The following PCSK2 variants were observed in gnomAD, a reference collection of about 807,000 sequenced individuals.
PCSK2 encodes the protein neuroendocrine convertase 2.
A neutral mutation model predicts 69.7 loss-of-function variants in PCSK2; 14 were observed. The ratio of observed to expected loss-of-function variants is 0.20; its 90% confidence interval spans 0.13 to 0.31. PCSK2 has a LOEUF of 0.31. Ranked by LOEUF, PCSK2 falls within the 10% of genes least tolerant of loss-of-function variation. The probability of loss-of-function intolerance (pLI) is 1.00; values close to 1 mark genes in which losing one functional copy is unlikely to be tolerated. For synonymous variants in PCSK2, 307 were observed against 320.7 expected (o/e 0.96, Z 0.46); for missense variants, 544 against 842.5 (o/e 0.65, Z 4.39).
At chr20:17,462,035 G>A (rs1225692677) in intron 10 of PCSK2, among the ~76,000 whole-genome samples, 2 of 152,172 alleles carry the variant, frequency 1.3e-5, no homozygotes, top group Admixed American at 6.5e-5. Flanking sequence ...CAGATTTCCT[G>A]ATGATCAGAA....
intron 5 of PCSK2, among the ~76,000 whole-genome samples, chr20:17,387,728 A>G (rs2031273506): frequency 6.6e-6 from 1 of 152,220 alleles, no homozygotes; most frequent in Non-Finnish European, 1.5e-5. Context: ...ATACAAGGTC[A>G]TGAATATCAG....
intron 2 of PCSK2, among the ~76,000 whole-genome samples, chr20:17,330,550 G>A (rs1027740976): frequency 3.3e-5 from 5 of 152,174 alleles, no homozygotes. Flanking sequence ...CAGGGAGGCA[G>A]AGGTTGCAGT....
At chr20:17,409,038 G>A (rs2031814539) in intron 5 of PCSK2, among the ~76,000 whole-genome samples, 1 of 152,190 alleles carries the variant, frequency 6.6e-6, no homozygotes, top group African/African-American at 2.4e-5. Flanking sequence ...CCCCTTGAAG[G>A]CTTGAAATAG....
intron 7 of PCSK2, among the ~76,000 whole-genome samples, chr20:17,432,275 GC>G (rs1180617278): frequency 4.6e-5 from 7 of 151,992 alleles, no homozygotes; most frequent in Non-Finnish European, 7.4e-5. Context: ...CCAAAGGTTA[GC>G]CCCTAACCCA....
At chr20:17,456,064 AC>A (rs2032914390) in intron 9 of PCSK2, among the ~76,000 whole-genome samples, 1 of 151,992 alleles carries the variant, frequency 6.6e-6, no homozygotes, top group Admixed American at 6.5e-5. Flanking sequence ...ACATGGCGAA[AC>A]CCTGTCTCTA....
chr20:17,327,731 C>CA (rs1454104594), intron 2 of PCSK2, among the ~76,000 whole-genome samples: 1 of 152,226 alleles, frequency 6.6e-6, no homozygotes, highest in East Asian at 1.9e-4. Flanking sequence ...AATAATACAA[C>CA]AAATTAAGGT....
At chr20:17,318,434 G>T (rs538616064) in intron 2 of PCSK2, among the ~76,000 whole-genome samples, 51 of 152,136 alleles carry the variant, frequency 3.4e-4, no homozygotes, top group African/African-American at 1.2e-3. Flanking sequence ...AAAAAAAAAT[G>T]ATGTTTTTCA....
chr20:17,364,075 C>T (rs1954540787), intron 4 of PCSK2, among the ~76,000 whole-genome samples: 1 of 151,588 alleles, frequency 6.6e-6, no homozygotes, highest in African/African-American at 2.4e-5. Flanking sequence ...CAACATGGCA[C>T]ATGTATACAC....
At chr20:17,273,721 G>A (rs201217276) in intron 2 of PCSK2, among the ~76,000 whole-genome samples, 7 of 152,240 alleles carry the variant, frequency 4.6e-5, no homozygotes, top group South Asian at 4.1e-4. Context: ...ACTAGATTAC[G>A]CTGCAGTAAC....
At position 17,385,127 on chromosome 20, in the gene PCSK2, G is replaced by A. The variant is rs146128232; in HGVS notation, c.543+15850G>A. Reference sequence around the variant, plus strand: ...TGCCTGCATGCTCTAAGGGAAGGGTGGAGTAGTTGTGACAAAGTCCATATG... The same window carrying A: ...TGCCTGCATGCTCTAAGGGAAGGGTAGAGTAGTTGTGACAAAGTCCATATG... On this transcript the variant is annotated intron_variant, in intron 5 of 11. Transcript: ENST00000262545. 1.7e-3 allele frequency among the ~76,000 whole-genome samples: 262 copies of A among 152,240 alleles called. 1 individual carries two copies. The highest frequency in any genetic ancestry group is 6.0e-3 in the African/African-American group (250 of 41,552).
intron 8 of PCSK2, among the ~76,000 whole-genome samples, chr20:17,440,228 T>A (rs540031741): frequency 4.6e-5 from 7 of 151,934 alleles, no homozygotes; most frequent in African/African-American, 1.7e-4. Flanking sequence ...CCTGGGAGAG[T>A]GAAAAATGCA....
chr20:17,363,762 G>A (rs767640615), intron 4 of PCSK2, among the ~76,000 whole-genome samples: 1 of 152,168 alleles, frequency 6.6e-6, no homozygotes, highest in Non-Finnish European at 1.5e-5. Context: ...CAGTAAAAAC[G>A]ACGAACATTT....
At chr20:17,319,643 G>A (rs1285141151) in intron 2 of PCSK2, among the ~76,000 whole-genome samples, 1 of 152,002 alleles carries the variant, frequency 6.6e-6, no homozygotes, top group African/African-American at 2.4e-5. Flanking sequence ...CCAGGTCTAG[G>A]GCCAGTATGG....
At chr20:17,286,440 G>A (rs909130307) in intron 2 of PCSK2, among the ~76,000 whole-genome samples, 16 of 152,170 alleles carry the variant, frequency 1.1e-4, no homozygotes, top group African/African-American at 3.1e-4. Flanking sequence ...GGAAGAGCAA[G>A]CTCTCTGCAC....
chr20:17,436,080 G>T (rs2032479311), intron 7 of PCSK2, among the ~76,000 whole-genome samples: 1 of 152,208 alleles, frequency 6.6e-6, no homozygotes, highest in Non-Finnish European at 1.5e-5. Context: ...TTACAGCGAT[G>T]CTATAGGGAA....
chr20:17,276,050 A>G (rs1988061918), intron 2 of PCSK2, among the ~76,000 whole-genome samples: 1 of 152,146 alleles, frequency 6.6e-6, no homozygotes, highest in Non-Finnish European at 1.5e-5. Context: ...ATGACCAATA[A>G]TATTTTGTTC....
At chr20:17,465,621 C>T in intron 11 of PCSK2, 68 bp downstream of exon 11, 1 of 901,974 alleles carries the variant, frequency 1.1e-6, no homozygotes, top group Non-Finnish European at 1.7e-6. Context: ...ATGGCATTGG[C>T]ATAATATCAC....
intron 2 of PCSK2, among the ~76,000 whole-genome samples, chr20:17,262,370 T>C (rs942286256): frequency 2.0e-5 from 3 of 152,068 alleles, no homozygotes; most frequent in African/African-American, 7.2e-5. Context: ...CTTTTCCCTA[T>C]CTTGTCATCA....
At chr20:17,437,193 A>T (rs1177063898) in intron 8 of PCSK2, among the ~76,000 whole-genome samples, 1 of 152,230 alleles carries the variant, frequency 6.6e-6, no homozygotes, top group Non-Finnish European at 1.5e-5. Context: ...CATCACAGAC[A>T]GAAAGGGGCC....
Sources: gnomAD v4.1 joint callset for allele counts (sites outside exome capture counted in the v4.1 genomes callset) on GRCh38, gnomAD v4.1.1 for gene constraint, MANE v1.5 for transcripts, NCBI Gene and HGNC (gene_info 2026-07-23, HGNC 2026-07-21) for gene names.